Variants in GTF2F2 observed in about 807,000 individuals in gnomAD.
GTF2F2 encodes the protein general transcription factor IIF subunit 2.
Under a neutral mutation model 42.2 loss-of-function variants are expected in GTF2F2, and 23 were observed. The observed-to-expected ratio is 0.55, with a 90% confidence interval of 0.39 to 0.77. The LOEUF (loss-of-function observed/expected upper bound fraction) is 0.77, where lower values mean the gene tolerates loss of function less well. Ranked by LOEUF, GTF2F2 falls within the 30% of genes least tolerant of loss-of-function variation. The pLI, the probability that GTF2F2 is intolerant of heterozygous loss-of-function variation, is 0.00. For missense variants in GTF2F2, 261 were observed against 287.2 expected, an observed-to-expected ratio of 0.91 and a Z score of 0.66; for synonymous variants, 105 against 100.8, an observed-to-expected ratio of 1.04 and a Z score of -0.25.
chr13:45,229,143 G>A (rs959996498), intron 5 of GTF2F2, among the ~76,000 whole-genome samples: 13 of 152,144 alleles, frequency 8.5e-5, no homozygotes, highest in East Asian at 3.9e-4. Flanking sequence ...TCGGCCTCCC[G>A]AAGTGCCGGG....
intron 4 of GTF2F2, among the ~76,000 whole-genome samples, chr13:45,204,075 A>T (rs1873320640): frequency 6.6e-6 from 1 of 152,174 alleles, no homozygotes; most frequent in African/African-American, 2.4e-5. Context: ...ATCAGCAGTT[A>T]AAACTTATAA....
intron 5 of GTF2F2, among the ~76,000 whole-genome samples, chr13:45,227,483 C>T (rs969202660): frequency 2.0e-5 from 3 of 152,126 alleles, no homozygotes; most frequent in Non-Finnish European, 4.4e-5. Flanking sequence ...TATGTGAAAA[C>T]ATCAAATTGT....
At chr13:45,155,422 T>C (rs1342140923) in intron 4 of GTF2F2, among the ~76,000 whole-genome samples, 1 of 152,226 alleles carries the variant, frequency 6.6e-6, no homozygotes, top group Non-Finnish European at 1.5e-5. Flanking sequence ...AAACCACATT[T>C]TAGTTCAGTG....
At chr13:45,221,921 A>G (rs1169309614) in intron 5 of GTF2F2, among the ~76,000 whole-genome samples, 1 of 152,080 alleles carries the variant, frequency 6.6e-6, no homozygotes, top group African/African-American at 2.4e-5. Flanking sequence ...CTAAACACAT[A>G]TCTTTCATCA....
intron 2 of GTF2F2, among the ~76,000 whole-genome samples, chr13:45,144,144 C>T (rs986855075): frequency 1.7e-4 from 26 of 151,776 alleles, no homozygotes; most frequent in African/African-American, 5.6e-4. Flanking sequence ...CCCAGCTCCT[C>T]GGGAGGCTGA....
intron 7 of GTF2F2, among the ~76,000 whole-genome samples, chr13:45,276,825 G>A (rs1317867409): frequency 2.0e-5 from 3 of 152,238 alleles, no homozygotes; most frequent in Non-Finnish European, 4.4e-5. Flanking sequence ...AAATATTCAA[G>A]CATGTGAAGC....
At chr13:45,139,557 A>G (rs1869815437) in intron 2 of GTF2F2, among the ~76,000 whole-genome samples, 1 of 152,062 alleles carries the variant, frequency 6.6e-6, no homozygotes, top group Admixed American at 6.5e-5. Flanking sequence ...ATTTCAGCTC[A>G]TTGAGGTATT....
intron 4 of GTF2F2, among the ~76,000 whole-genome samples, chr13:45,186,520 T>C (rs1304334448): frequency 6.6e-6 from 1 of 151,574 alleles, no homozygotes; most frequent in African/African-American, 2.4e-5. Context: ...CTCGAACTCC[T>C]GACCTGGTGA....
intron 1 of GTF2F2, among the ~76,000 whole-genome samples, chr13:45,125,469 G>A (rs1477787774): frequency 6.6e-6 from 1 of 152,026 alleles, no homozygotes; most frequent in Non-Finnish European, 1.5e-5. Context: ...ACAGGCGCGG[G>A]CCACCACACC....
chr13:45,122,494 CATG>C (rs1169861185), intron 1 of GTF2F2, among the ~76,000 whole-genome samples: 1 of 152,016 alleles, frequency 6.6e-6, no homozygotes, highest in African/African-American at 2.4e-5. Context: ...ATCAGCCAGT[CATG>C]GTGGTGTGCG....
At position 45,217,766 on chromosome 13, in the gene GTF2F2, T is replaced by C. The variant is rs1025316785; in HGVS notation, c.386+10261T>C. Among the ~76,000 whole-genome samples the C allele has an allele frequency of 2.0e-5, 3 of 152,232 alleles. No individual in the cohort carries two copies. The East Asian group carries it at 5.8e-4, about 29-fold the overall frequency. ...ACAGTTTCTCTTTGTTCACTCACAG[T>C]TGAAAATCAACAGGGTTAACCTTAG... On this transcript the variant is annotated intron_variant, in intron 5 of 7. Coordinates refer to ENST00000340473, the MANE Select transcript of GTF2F2 (RefSeq NM_004128.3).
At chr13:45,203,138 G>T (rs1873274670) in intron 4 of GTF2F2, among the ~76,000 whole-genome samples, 1 of 151,952 alleles carries the variant, frequency 6.6e-6, no homozygotes, top group African/African-American at 2.4e-5. Context: ...GTGCAGTGAT[G>T]TGATCTCAGC....
At chr13:45,173,523 C>T (rs1443407407) in intron 4 of GTF2F2, among the ~76,000 whole-genome samples, 2 of 151,986 alleles carry the variant, frequency 1.3e-5, no homozygotes, top group South Asian at 2.1e-4. Context: ...CCACCTTCCT[C>T]CTAACCACCC....
At chr13:45,141,129 A>T (rs1479488449) in intron 2 of GTF2F2, among the ~76,000 whole-genome samples, 2 of 152,204 alleles carry the variant, frequency 1.3e-5, no homozygotes, top group African/African-American at 4.8e-5. Flanking sequence ...TAAAGAAAAT[A>T]CCTGGTTCAG....
At chr13:45,272,351 TCTA>T (rs1010872213) in intron 7 of GTF2F2, among the ~76,000 whole-genome samples, 3 of 149,280 alleles carry the variant, frequency 2.0e-5, no homozygotes, top group African/African-American at 7.4e-5. Context: ...GGACCAATGA[TCTA>T]CTACCAACTT....
intron 5 of GTF2F2, among the ~76,000 whole-genome samples, chr13:45,228,674 T>TTTTTTTTC (rs1348501132): frequency 7.0e-6 from 1 of 142,562 alleles, no homozygotes; most frequent in African/African-American, 2.9e-5. Context: ...TTAATCTTTT[T>TTTTTTTTC]TTTTTTTTTT....
At chr13:45,145,842 T>A (rs1870166676) in intron 2 of GTF2F2, among the ~76,000 whole-genome samples, 1 of 152,184 alleles carries the variant, frequency 6.6e-6, no homozygotes, top group Non-Finnish European at 1.5e-5. Context: ...GACACCCTCC[T>A]CACCCTGTTC....
chr13:45,162,631 T>A (rs1451626814), intron 4 of GTF2F2, among the ~76,000 whole-genome samples: 3 of 152,232 alleles, frequency 2.0e-5, no homozygotes, highest in Admixed American at 6.5e-5. Context: ...GTAAAAGCAG[T>A]GTTTGCACTC....
chr13:45,261,675 A>G (rs1876350439), intron 6 of GTF2F2, among the ~76,000 whole-genome samples: 1 of 152,216 alleles, frequency 6.6e-6, no homozygotes, highest in Admixed American at 6.5e-5. Flanking sequence ...CAAGTTAGAT[A>G]TCTGACTGCT....
Sources: gnomAD v4.1 joint callset for allele counts (sites outside exome capture counted in the v4.1 genomes callset) on GRCh38, gnomAD v4.1.1 for gene constraint, MANE v1.5 for transcripts, NCBI Gene and HGNC (gene_info 2026-07-23, HGNC 2026-07-21) for gene names.